Variants in SNX6 observed in about 807,000 individuals in gnomAD.
SNX6 encodes the protein sorting nexin 6, also known as sorting nexin-6.
SNX6 carries 34 observed loss-of-function variants against 63.0 expected under a neutral mutation model. The ratio of observed to expected loss-of-function variants is 0.54; its 90% CI spans 0.41 to 0.72. SNX6 has a LOEUF of 0.72. Among genes scored for constraint, SNX6 ranks in the 30% least tolerant of loss-of-function variants. SNX6 has a pLI of 0.00. For synonymous variants in SNX6, 170 were observed against 164.2 expected (o/e 1.04, Z -0.27); for missense variants, 398 against 471.4 (o/e 0.84, Z 1.44).
intron 2 of SNX6, among the ~76,000 whole-genome samples, chr14:34,612,321 G>A (rs1337907745): frequency 6.6e-6 from 1 of 152,126 alleles, no homozygotes; most frequent in Non-Finnish European, 1.5e-5. Context: ...CCTAGGAGCT[G>A]TAAATGTTAC....
intron 8 of SNX6, among the ~76,000 whole-genome samples, chr14:34,590,190 A>T (rs974481511): frequency 6.6e-6 from 1 of 152,084 alleles, no homozygotes; most frequent in Non-Finnish European, 1.5e-5. Flanking sequence ...GCACTTTGGG[A>T]GGCTGAGGTG....
intron 2 of SNX6, 52 bp from the exon 3 acceptor site, chr14:34,609,794 AT>A: frequency 7.9e-7 from 1 of 1,273,720 alleles, no homozygotes; most frequent in Non-Finnish European, 1.1e-6. Context: ...ATATAATTTC[AT>A]TTTTTCTCTT....
At chr14:34,629,803 G>C (rs7158835) in intron 2 of SNX6, 104 bp downstream of exon 2, 1 of 1,492,060 alleles carries the variant, frequency 6.7e-7, no homozygotes, top group African/African-American at 1.4e-5. Flanking sequence ...ACTACGGGGA[G>C]GGAGTGCCGC....
intron 10 of SNX6, among the ~76,000 whole-genome samples, chr14:34,576,398 A>AAGATC (rs58392937): frequency 0.86 from 129,608 of 150,476 alleles, 56,002 homozygotes; most frequent in Non-Finnish European, 0.89. Context: ...GAACAGAAAA[A>AAGATC]AGATCAAATG....
Position 34,629,939 on chromosome 14 carries a change from C to A in SNX6, c.22G>T (p.Gly8Cys). 1 of 1,550,058 alleles carries A rather than the reference C, an allele frequency of 6.5e-7. No individual in the cohort carries two copies. Among genetic ancestry groups the A allele is most frequent in the Non-Finnish European group, 8.7e-7 (1 of 1,149,440 alleles). MMEGLDD[G>C]PDFLSEEDRG... ...TCCTCTTCTGAGAGGAAGTCCGGGC[C>A]GTCGTCCAGGCCTTCCTGTGGGGTC... The change falls in exon 2 of 14, where the codon GGC (glycine) becomes TGC (cysteine). Residue 8 changes from glycine (G) to cysteine (C), a missense_variant. Coordinates refer to ENST00000362031, the MANE Select transcript of SNX6 (RefSeq NM_152233.4).
At position 34,563,124 on chromosome 14, in the gene SNX6, A is replaced by C. The variant is rs577146016; in HGVS notation, c.1219T>G (p.Ter407GluextTer37). The C allele has an allele frequency of 1.9e-6, 3 of 1,613,874 alleles. No homozygotes were observed. The highest frequency in any genetic ancestry group is 2.5e-6 in the Non-Finnish European group (3 of 1,179,808). Residue 407 changes from the stop codon to glutamate, a stop_lost, in exon 14 of 14, where the codon TAA becomes GAA. Coordinates refer to ENST00000362031, the MANE Select transcript of SNX6 (RefSeq NM_152233.4). Reference protein sequence around the residue: ...NCLAVLNGDT* With the variant: ...NCLAVLNGDTE ...TTAACAGGAAGGCGGAGTGTGGCTT[A>C]TGTGTCTCCATTTAACACTGCCAGG...
intron 8 of SNX6, among the ~76,000 whole-genome samples, chr14:34,591,731 T>C (rs549084516): frequency 3.3e-5 from 5 of 152,336 alleles, no homozygotes; most frequent in Admixed American, 6.5e-5. Flanking sequence ...TGACTTATCA[T>C]TGGCAACAAA....
intron 2 of SNX6, among the ~76,000 whole-genome samples, chr14:34,625,711 C>A (rs1281330101): frequency 6.6e-6 from 1 of 151,900 alleles, no homozygotes; most frequent in Admixed American, 6.6e-5. Context: ...CCAGCGTGGG[C>A]AACAGAGCGA....
At chr14:34,598,414 A>G (rs1380886497) in intron 6 of SNX6, among the ~76,000 whole-genome samples, 1 of 152,180 alleles carries the variant, frequency 6.6e-6, no homozygotes, top group Non-Finnish European at 1.5e-5. Context: ...TTTTTGAGAC[A>G]CTGTCTCCCT....
Position 34,609,762 on chromosome 14 carries a change from A to T in SNX6, c.55-20T>A. 2.1e-6 allele frequency: 3 copies of T among 1,458,636 alleles called. No homozygotes were observed. Among genetic ancestry groups the T allele is most frequent in the Non-Finnish European group, 1.9e-6 (2 of 1,051,660 alleles). 90.4% of individuals were successfully genotyped at this position (1,458,636 alleles called of 1,614,324 possible). A position where few individuals can be genotyped will look rare whatever the true frequency, so the allele number is the denominator to read the frequency against. On this transcript the variant is annotated intron_variant, in intron 2 of 13. Transcript: ENST00000362031. ...TTTAAGCTAGAAAAAGAAAACCAGT[A>T]TCTTCATGAAAATCATGTTTTATAT... is the stretch of plus-strand genomic sequence containing the variant.
intron 2 of SNX6, among the ~76,000 whole-genome samples, chr14:34,620,575 C>T (rs1395912418): frequency 6.6e-6 from 1 of 152,130 alleles, no homozygotes; most frequent in East Asian, 1.9e-4. Flanking sequence ...AGTATTCTGC[C>T]TTGGTATCAT....
chr14:34,614,749 T>A (rs1164411853), intron 2 of SNX6, among the ~76,000 whole-genome samples: 1 of 152,158 alleles, frequency 6.6e-6, no homozygotes, highest in Non-Finnish European at 1.5e-5. Context: ...AAGACCTGTC[T>A]CTACAAAATA....
rs532146780 is a variant in SNX6 at position 34,603,734 on chromosome 14, G to A, written c.393-263C>T. On this transcript the variant is annotated intron_variant, in intron 5 of 13. Transcript: ENST00000362031. The stretch of plus-strand genomic sequence containing the variant: ...TTTTACAAATTTTTCTTACTTATGC[G>A]AGTTGATGTTAAAGTTAACTATAGG... 3.0e-3 allele frequency among the ~76,000 whole-genome samples: 462 copies of A among 151,970 alleles called. 3 individuals carry two copies. Among genetic ancestry groups the A allele is most frequent in the African/African-American group, 9.8e-3 (408 of 41,458 alleles).
intron 11 of SNX6, among the ~76,000 whole-genome samples, chr14:34,575,188 T>C (rs1306238032): frequency 2.2e-5 from 3 of 136,614 alleles, no homozygotes; most frequent in Non-Finnish European, 4.7e-5. Context: ...CCACCACCCC[T>C]GGCCTCAATT....
intron 13 of SNX6, among the ~76,000 whole-genome samples, chr14:34,563,822 T>C (rs1881045997): frequency 6.6e-6 from 1 of 152,178 alleles, no homozygotes; most frequent in East Asian, 1.9e-4. Flanking sequence ...CACTGTAACC[T>C]CCGCCTCCTG....
intron 9 of SNX6, among the ~76,000 whole-genome samples, chr14:34,584,635 T>A (rs1362961845): frequency 6.6e-6 from 1 of 152,050 alleles, no homozygotes; most frequent in African/African-American, 2.4e-5. Context: ...TGGCAGTTCT[T>A]ATTTATAAGC....
chr14:34,614,734 A>T (rs1459541957), intron 2 of SNX6, among the ~76,000 whole-genome samples: 1 of 152,202 alleles, frequency 6.6e-6, no homozygotes, highest in East Asian at 1.9e-4. Context: ...CCTGGGCAAC[A>T]TAGCAAGACC....
chr14:34,622,082 C>T (rs1166117316), intron 2 of SNX6, among the ~76,000 whole-genome samples: 2 of 150,016 alleles, frequency 1.3e-5, no homozygotes, highest in African/African-American at 4.9e-5. Context: ...CCTCAGTTTC[C>T]CTAGTAGCTG....
At chr14:34,592,644 G>A (rs1035327887) in intron 8 of SNX6, among the ~76,000 whole-genome samples, 4 of 152,156 alleles carry the variant, frequency 2.6e-5, no homozygotes, top group Admixed American at 6.6e-5. Flanking sequence ...GCTCACTGCA[G>A]CCTCAACCTC....
Sources: gnomAD v4.1 joint callset for allele counts (sites outside exome capture counted in the v4.1 genomes callset) on GRCh38, gnomAD v4.1.1 for gene constraint, MANE v1.5 for transcripts, NCBI Gene and HGNC (gene_info 2026-07-23, HGNC 2026-07-21) for gene names.